Variants in MARK4 observed in about 807,000 individuals in gnomAD.
The protein encoded by MARK4 is microtubule affinity regulating kinase 4.
Under a neutral mutation model 81.5 loss-of-function variants are expected in MARK4, and 19 were observed. That is an observed-to-expected ratio of 0.23 (90% CI 0.16 to 0.34). The LOEUF is 0.34. Ranked by LOEUF, MARK4 falls within the 10% of genes least tolerant of loss-of-function variation. The pLI, the probability that MARK4 is intolerant of heterozygous loss-of-function variation, is 1.00. For synonymous variants in MARK4, 436 were observed against 439.0 expected (o/e 0.99, Z 0.08); for missense variants, 772 against 1,058.8 (o/e 0.73, Z 3.76).
Position 45,294,228 on chromosome 19 carries a change from C to T in MARK4, c.1495-121C>T, listed in dbSNP as rs986729561. ...GGACCTTTCACCATCTCCTACTCACCCTGGGTTCCCACATGAGCCCCTGAC... is the reference window on the plus strand; with the variant it reads ...GGACCTTTCACCATCTCCTACTCACTCTGGGTTCCCACATGAGCCCCTGAC... On this transcript the variant is annotated intron_variant, in intron 13 of 16. Coordinates refer to ENST00000262891, the MANE Select transcript of MARK4 (RefSeq NM_001199867.2). 8.1e-6 allele frequency: 7 copies of T among 863,808 alleles called. No individual in the cohort carries two copies. The South Asian group carries it at 9.2e-5, about 11-fold the overall frequency. The allele number at this position is 863,808 out of a possible 1,614,324, so 53.5% of individuals were successfully genotyped here.
chr19:45,292,757 G>A (rs1442890955), intron 13 of MARK4, among the ~76,000 whole-genome samples: 1 of 152,016 alleles, frequency 6.6e-6, no homozygotes, highest in African/African-American at 2.4e-5. Flanking sequence ...TGAGGTTCTA[G>A]CTACTTGGGA....
intron 16 of MARK4, among the ~76,000 whole-genome samples, chr19:45,301,557 C>CAATAAA (rs1970972539): frequency 2.0e-5 from 1 of 49,520 alleles, no homozygotes; most frequent in East Asian, 7.3e-4. Context: ...AACTCTGTCT[C>CAATAAA]AAAAAAAAAA....
intron 1 of MARK4, among the ~76,000 whole-genome samples, chr19:45,256,621 G>T (rs1312900226): frequency 6.6e-6 from 1 of 152,186 alleles, no homozygotes; most frequent in Non-Finnish European, 1.5e-5. Flanking sequence ...ACCAGTGGTG[G>T]TGGAGGAGGA....
chr19:45,269,640 CTGTT>C (rs1251550139), intron 7 of MARK4, among the ~76,000 whole-genome samples: 2 of 152,078 alleles, frequency 1.3e-5, no homozygotes, highest in African/African-American at 4.8e-5. Context: ...AGGTGTGCCT[CTGTT>C]TGTAGTCAGA....
At chr19:45,278,948 G>A (rs1303028674) in intron 10 of MARK4, among the ~76,000 whole-genome samples, 1 of 152,154 alleles carries the variant, frequency 6.6e-6, no homozygotes, top group African/African-American at 2.4e-5. Flanking sequence ...ACCAGGCGAG[G>A]TGGTTCATGC....
intron 1 of MARK4, among the ~76,000 whole-genome samples, chr19:45,255,828 C>G (rs187407348): frequency 1.3e-5 from 2 of 152,330 alleles, no homozygotes; most frequent in Admixed American, 1.3e-4. Flanking sequence ...CACTCCCAGC[C>G]GGAAGGGCAC....
At chr19:45,284,965 C>T (rs1970723017) in intron 12 of MARK4, among the ~76,000 whole-genome samples, 2 of 152,102 alleles carry the variant, frequency 1.3e-5, no homozygotes, top group Admixed American at 6.6e-5. Flanking sequence ...GTGGTGAGCA[C>T]CTGTAATCTC....
rs1568494598 is a variant in MARK4 at position 45,271,993 on chromosome 19, G to C, written c.786+285G>C. On this transcript the variant is annotated intron_variant, in intron 8 of 16. Coordinates refer to ENST00000262891, the MANE Select transcript of MARK4 (RefSeq NM_001199867.2). The surrounding 1 kb of genome is among the most constrained non-coding windows in gnomAD (Gnocchi z 4.1). Reference sequence around the variant, plus strand: ...TTTATGGCCCACTTCTCTGTGTCAGGCTCTGTTTTGGGCTTTGCATGTAAG... The same window carrying C: ...TTTATGGCCCACTTCTCTGTGTCAGCCTCTGTTTTGGGCTTTGCATGTAAG... 6.6e-6 allele frequency among the ~76,000 whole-genome samples: 1 copy of C among 152,186 alleles called. No homozygotes were observed. The highest frequency in any genetic ancestry group is 1.5e-5 in the Non-Finnish European group (1 of 68,030).
chr19:45,256,023 G>A (rs1171198084), intron 1 of MARK4, among the ~76,000 whole-genome samples: 1 of 152,270 alleles, frequency 6.6e-6, no homozygotes, highest in Non-Finnish European at 1.5e-5. Context: ...GCCATGGTGT[G>A]GGAGACAGCA....
In MARK4 at chr19:45,263,377, G is replaced by T. The variant is rs1166499475; in HGVS notation, c.355+10G>T. On this transcript the variant is annotated intron_variant, in intron 4 of 16. Transcript: ENST00000262891. ...AACCACCCCAACATCGGTGAGGAGG[G>T]AATGGGAGCAGGGGCAGGCCACCAA... is the stretch of plus-strand genomic sequence containing the variant. 1 of 1,614,146 alleles carries T rather than the reference G, an allele frequency of 6.2e-7. No homozygotes were observed. The highest frequency in any genetic ancestry group is 8.5e-7 in the Non-Finnish European group (1 of 1,180,008).
intron 13 of MARK4, among the ~76,000 whole-genome samples, chr19:45,289,245 G>A (rs1055873152): frequency 5.9e-5 from 9 of 151,816 alleles, no homozygotes; most frequent in African/African-American, 2.2e-4. Flanking sequence ...AAATTAGCTG[G>A]CTGTGGTGGC....
intron 15 of MARK4, 52 bp downstream of exon 15, chr19:45,298,006 C>T (rs1431805052): frequency 6.5e-7 from 1 of 1,548,586 alleles, no homozygotes; most frequent in African/African-American, 1.4e-5. Flanking sequence ...GCCGATGGGA[C>T]CTAACCTGTC....
At position 45,271,215 on chromosome 19, in the gene MARK4, T is replaced by G. The variant is rs998433487; in HGVS notation, c.550-257T>G. ...GCCACTATGTCTGGCCTGTGCTAGG[T>G]TTTCTATGTGGATTAACTCATAATT... On this transcript the variant is annotated intron_variant, in intron 7 of 16. Coordinates refer to ENST00000262891, the MANE Select transcript of MARK4 (RefSeq NM_001199867.2). This position sits in a 1 kb window ranked among gnomAD's most constrained non-coding sequence, Gnocchi z 4.1. Among the ~76,000 whole-genome samples, 16 of 152,242 alleles carry G rather than the reference T, an allele frequency of 1.1e-4. No individual in the cohort carries two copies. The East Asian group carries it at 3.1e-3, about 29-fold the overall frequency.
chr19:45,297,004 G>A (rs1382413840), intron 14 of MARK4, among the ~76,000 whole-genome samples: 2 of 146,024 alleles, frequency 1.4e-5, no homozygotes, highest in Admixed American at 1.4e-4. Context: ...AGCCAAGATT[G>A]CCCCATGGCC....
At position 45,303,754 on chromosome 19, in the gene MARK4, G is replaced by A. The variant is rs1304560660; in HGVS notation, c.*1044G>A. On this transcript the variant is annotated 3_prime_UTR_variant, in exon 17 of 17. Coordinates refer to ENST00000262891, the MANE Select transcript of MARK4 (RefSeq NM_001199867.2). ...TCTGTCTGTGGGAGACAGGGATTCT[G>A]ACACAGACACCGGACAAACCATTGT... The A allele has an allele frequency of 6.6e-6, 1 of 152,250 alleles. No homozygotes were observed. Among genetic ancestry groups the A allele is most frequent in the South Asian group, 2.1e-4 (1 of 4,832 alleles). 9.4% of individuals were successfully genotyped at this position (152,250 alleles called of 1,614,324 possible).
chr19:45,280,760 G>A (rs1459419691), intron 12 of MARK4, 26 bp downstream of exon 12: 12 of 1,611,192 alleles, frequency 7.4e-6, no homozygotes, highest in East Asian at 2.2e-5. Flanking sequence ...ACGCCCTCAC[G>A]CACCCTCCTT....
At chr19:45,262,009 A>G (rs1970387148) in intron 2 of MARK4, among the ~76,000 whole-genome samples, 1 of 152,112 alleles carries the variant, frequency 6.6e-6, no homozygotes, top group African/African-American at 2.4e-5. Context: ...CCCATGATGT[A>G]TCTCAAAGCT....
chr19:45,256,168 T>TGGC (rs1970305597), intron 1 of MARK4, among the ~76,000 whole-genome samples: 1 of 152,308 alleles, frequency 6.6e-6, no homozygotes, highest in African/African-American at 2.4e-5. Context: ...CAGGGGGTGG[T>TGGC]GGCTCAGGCC....
At chr19:45,281,967 T>A (rs1970680640) in intron 12 of MARK4, among the ~76,000 whole-genome samples, 1 of 152,012 alleles carries the variant, frequency 6.6e-6, no homozygotes, top group Non-Finnish European at 1.5e-5. Context: ...CGGTGGCTCA[T>A]GTCTGTAATC....
Sources: allele counts gnomAD v4.1 joint callset (sites outside exome capture counted in the v4.1 genomes callset), GRCh38; gene constraint gnomAD v4.1.1; non-coding constraint Gnocchi (gnomAD v3.1); transcripts MANE v1.5; gene names NCBI Gene and HGNC (gene_info 2026-07-23, HGNC 2026-07-21).